The following ESPL1 variants were observed in gnomAD, a reference collection of about 807,000 sequenced individuals.
ESPL1 encodes extra spindle pole bodies like 1, separase.
In ESPL1, 50 loss-of-function variants were observed where a neutral mutation model predicts 217.2. The observed-to-expected ratio is 0.23, with a 90% CI of 0.18 to 0.29. ESPL1 has a LOEUF of 0.29. ESPL1 is among the 10% of genes least tolerant of loss of function. The pLI, the probability that ESPL1 is intolerant of heterozygous loss-of-function variation, is 1.00. For missense variants in ESPL1, 1,834 were observed against 2,603.0 expected (o/e 0.70, Z 6.43); for synonymous variants, 994 against 1,081.3 (o/e 0.92, Z 1.58).
chr12:53,269,427 G>A lies in ESPL1; in HGVS notation c.485G>A (p.Arg162Gln), dbSNP rs749666178. 1.2e-6 allele frequency: 2 copies of A among 1,613,892 alleles called. No individual in the cohort carries two copies. Among genetic ancestry groups the A allele is most frequent in the Non-Finnish European group, 1.7e-6 (2 of 1,179,986 alleles). Reference protein sequence around the residue: ...WKGAEALLERRAAFAARLKAL... With the variant: ...WKGAEALLERQAAFAARLKAL... ...GGGGCAGAAGCCCTGTTGGAACGGCGAGCTGCATTTGCAGCTCGGCTGAAG... is the reference window on the plus strand; with the variant it reads ...GGGGCAGAAGCCCTGTTGGAACGGCAAGCTGCATTTGCAGCTCGGCTGAAG... Residue 162 changes from arginine to glutamine, a missense_variant, in exon 3 of 31, where the codon CGA becomes CAA. Arg to Gln is a conservative substitution (Grantham distance 43). Around this residue, in one of 5 missense-constraint regions of ESPL1, gnomAD observed 746 missense variants for 1,077.0 expected, o/e 0.69. Coordinates refer to ENST00000257934, the MANE Select transcript of ESPL1 (RefSeq NM_012291.5). The surrounding 1 kb of genome is among the most constrained non-coding windows in gnomAD (Gnocchi z 6.7).
rs2120944348 is a variant in ESPL1, at chr12:53,282,507, C to T, written c.2791+72C>T. ...TGTCTGCTGTCAGCTCTTCTCAAAC[C>T]TCATCCCCTCTGCTGGCTAACTATG... On this transcript the variant is annotated intron_variant, in intron 14 of 30. Transcript: ENST00000257934. This position sits in a 1 kb window ranked among gnomAD's most constrained non-coding sequence, Gnocchi z 4.0. 3 of 1,392,320 alleles carry T rather than the reference C, an allele frequency of 2.2e-6. No individual in the cohort carries two copies. The highest frequency in any genetic ancestry group is 2.5e-5 in the South Asian group (2 of 80,866). 86.2% of individuals were successfully genotyped at this position (1,392,320 alleles called of 1,614,324 possible).
chr12:53,285,110 G>A (rs1943925329), intron 17 of ESPL1, among the ~76,000 whole-genome samples: 1 of 151,952 alleles, frequency 6.6e-6, no homozygotes, highest in African/African-American at 2.4e-5. Flanking sequence ...ATAGCCACAT[G>A]GCTAGTGGCT....
chr12:53,269,616 C>T lies in ESPL1; in HGVS notation c.674C>T (p.Ser225Phe). Residue 225 changes from serine (S) to phenylalanine (F), a missense_variant, in exon 3 of 31, where the codon TCC becomes TTC. Physicochemically the swap from Ser to Phe is radical, Grantham distance 155. Around this residue, in one of 5 missense-constraint regions of ESPL1, gnomAD observed 746 missense variants for 1,077.0 expected, o/e 0.69. Coordinates refer to ENST00000257934, the MANE Select transcript of ESPL1 (RefSeq NM_012291.5). The surrounding 1 kb of genome is among the most constrained non-coding windows in gnomAD (Gnocchi z 6.7). The stretch of plus-strand genomic sequence containing the variant: ...GCTGATTTCCTAGATGACCTGCTCT[C>T]CAGGCACGTGATCAGAGCCTTGGTG... ...ADADFLDDLL[S>F]RHVIRALVGE... is the part of the protein sequence containing the mutation. The T allele has an allele frequency of 6.2e-7, 1 of 1,614,228 alleles. No homozygotes were observed. Among genetic ancestry groups the T allele is most frequent in the East Asian group, 2.2e-5 (1 of 44,886 alleles).
chr12:53,272,731 C>T lies in ESPL1; in HGVS notation c.1380C>T (p.Thr460=). Residue 460 remains threonine (T), a synonymous_variant, in exon 6 of 31, where the codon ACC becomes ACT. Transcript: ENST00000257934. ...TTTTCTCCCCTGCAGCTTCTTACAC[C>T]AGTAATTTGGCCTACAGCTTCTATA... ...TDHMGMTASY[T]SNLAYSFYSH... 6.2e-7 allele frequency: 1 copy of T among 1,613,746 alleles called. No individual in the cohort carries two copies.
chr12:53,287,103 C>T (rs1943962260), intron 18 of ESPL1, among the ~76,000 whole-genome samples, 191 bp downstream of exon 18: 1 of 152,174 alleles, frequency 6.6e-6, no homozygotes, highest in Non-Finnish European at 1.5e-5. Flanking sequence ...GAAGGAGTCT[C>T]GCTCTGTCGC....
chr12:53,283,748 G>A (rs978847887), intron 16 of ESPL1, among the ~76,000 whole-genome samples: 8 of 152,182 alleles, frequency 5.3e-5, no homozygotes, highest in African/African-American at 1.2e-4. Flanking sequence ...TTCAGTATGC[G>A]GATGTGCCTT....
rs773816960 is a variant in ESPL1, at chr12:53,288,201, G to A, written c.4406G>A (p.Arg1469Gln). 94 of 1,610,836 alleles carry A rather than the reference G, an allele frequency of 5.8e-5. 2 individuals carry two copies. The South Asian group carries it at 9.3e-4, about 16-fold the overall frequency. The change falls in exon 19 of 31, where the codon CGG (arginine) becomes CAG (glutamine). Residue 1469 changes from arginine (R) to glutamine (Q), a missense_variant. By Grantham distance (43) the Arg-to-Gln change is conservative. Transcript: ENST00000257934. ...KKVASRHCEE[R>Q]RPQRASDQAR... is the part of the protein sequence containing the mutation. ...GTGGCATCAAGACATTGTGAGGAGCGGCGTCCCCAGAGGGCCAGTGACCAG... is the reference window on the plus strand; with the variant it reads ...GTGGCATCAAGACATTGTGAGGAGCAGCGTCCCCAGAGGGCCAGTGACCAG...
intron 20 of ESPL1, 98 bp from the exon 21 acceptor site, chr12:53,288,992 A>G: frequency 1.0e-6 from 1 of 981,838 alleles, no homozygotes; most frequent in Non-Finnish European, 1.6e-6. Context: ...GCTGTTTGCC[A>G]TGTGGGAGAT....
rs1474177085 is a variant in ESPL1, at chr12:53,270,778, C to T, written c.1349C>T (p.Thr450Met). The T allele has an allele frequency of 9.9e-6, 16 of 1,614,070 alleles. No homozygotes were observed. The highest frequency in any genetic ancestry group is 2.2e-5 in the East Asian group (1 of 44,902). Residue 450 changes from threonine (T) to methionine (M), a missense_variant, in exon 5 of 31, where the codon ACG becomes ATG. Around this residue, in one of 5 missense-constraint regions of ESPL1, gnomAD observed 746 missense variants for 1,077.0 expected, o/e 0.69. Transcript: ENST00000257934. Reference protein sequence around the residue: ...ALEGLSGQELTDHMGMTASYT... With the variant: ...ALEGLSGQELMDHMGMTASYT... ...GAGGGCCTGTCGGGCCAAGAGCTGA[C>T]GGACCACATGGGGATGACCGGTTAG...
Position 53,289,140 on chromosome 12 carries a change from G to A in ESPL1, c.4759G>A (p.Gly1587Ser). Residue 1587 changes from glycine to serine, a missense_variant, in exon 21 of 31, where the codon GGC becomes AGC. Gly to Ser is a moderately conservative substitution (Grantham distance 56). Around this residue, in one of 5 missense-constraint regions of ESPL1, gnomAD observed 681 missense variants for 808.0 expected, o/e 0.84. Transcript: ENST00000257934. ...TGACTCCCTGAGTGTTGCTTTCCGGGGCATTAGTCACTGTCCTCCTAGTGG... is the reference window on the plus strand; with the variant it reads ...TGACTCCCTGAGTGTTGCTTTCCGGAGCATTAGTCACTGTCCTCCTAGTGG... ...ICDSLSVAFR[G>S]ISHCPPSGLY... 4 of 1,614,166 alleles carry A rather than the reference G, an allele frequency of 2.5e-6. No individual in the cohort carries two copies. Among genetic ancestry groups the A allele is most frequent in the Non-Finnish European group, 3.4e-6 (4 of 1,180,038 alleles).
chr12:53,283,214 C>G lies in ESPL1; in HGVS notation c.2877C>G (p.Leu959=). The G allele has an allele frequency of 6.2e-7, 1 of 1,614,226 alleles. No individual in the cohort carries two copies. The highest frequency in any genetic ancestry group is 8.5e-7 in the Non-Finnish European group (1 of 1,180,046). Residue 959 remains leucine, a synonymous_variant, in exon 15 of 31, where the codon CTC becomes CTG. Coordinates refer to ENST00000257934, the MANE Select transcript of ESPL1 (RefSeq NM_012291.5). Reference sequence around the variant, plus strand: ...TCCTGCTGATGGGCAGTGACATTCTCTCAACTCAGAAAGCAGCTGTGGAGA... The same window carrying G: ...TCCTGCTGATGGGCAGTGACATTCTGTCAACTCAGAAAGCAGCTGTGGAGA... ...IILLLMGSDI[L]STQKAAVETS...
chr12:53,269,099 A>T lies in ESPL1; in HGVS notation c.157A>T (p.Ile53Phe). 4 of 1,614,136 alleles carry T rather than the reference A, an allele frequency of 2.5e-6. No individual in the cohort carries two copies. Among genetic ancestry groups the T allele is most frequent in the Non-Finnish European group, 3.4e-6 (4 of 1,180,042 alleles). ...DAERRQACDAILRACNQQLTA... is the reference protein window; with the variant it reads ...DAERRQACDAFLRACNQQLTA... ...TGAGAGGAGACAAGCTTGTGATGCC[A>T]TCCTGAGGGCTTGCAACCAGCAGCT... Residue 53 changes from isoleucine to phenylalanine, a missense_variant, in exon 3 of 31, where the codon ATC becomes TTC. By Grantham distance (21) the Ile-to-Phe change is conservative (BLOSUM62 0). Around this residue, in one of 5 missense-constraint regions of ESPL1, gnomAD observed 746 missense variants for 1,077.0 expected, o/e 0.69. Coordinates refer to ENST00000257934, the MANE Select transcript of ESPL1 (RefSeq NM_012291.5). The surrounding 1 kb of genome is among the most constrained non-coding windows in gnomAD (Gnocchi z 6.7).
At chr12:53,272,324 G>A (rs945933827) in intron 5 of ESPL1, among the ~76,000 whole-genome samples, 10 of 152,124 alleles carry the variant, frequency 6.6e-5, no homozygotes, top group Non-Finnish European at 1.2e-4. Flanking sequence ...GGGAGTCTAA[G>A]GTGCATGACG....
At chr12:53,283,092 G>T in intron 14 of ESPL1, 37 bp from the exon 15 acceptor site, 11 of 1,613,184 alleles carry the variant, frequency 6.8e-6, no homozygotes, top group Non-Finnish European at 9.3e-6. Flanking sequence ...TGAAGTTCTG[G>T]CTGCATCTTC....
intron 25 of ESPL1, 52 bp downstream of exon 25, chr12:53,291,048 A>G (rs941182333): frequency 6.7e-7 from 1 of 1,492,702 alleles, no homozygotes; most frequent in Non-Finnish European, 9.0e-7. Context: ...TGCACCTGTA[A>G]TCCCAGCACT....
Position 53,293,387 on chromosome 12 carries a change from T to G in ESPL1, c.6276T>G (p.Tyr2092Ter). The G allele has an allele frequency of 6.2e-7, 1 of 1,614,130 alleles. No homozygotes were observed. Among genetic ancestry groups the G allele is most frequent in the Non-Finnish European group, 8.5e-7 (1 of 1,180,006 alleles). The change falls in exon 31 of 31, where the codon TAT becomes TAG. Residue 2092 changes from tyrosine to a stop codon, truncating the protein, a stop_gained. Transcript: ENST00000257934. LOFTEE classifies it high-confidence loss of function. The surrounding 1 kb of genome is among the most constrained non-coding windows in gnomAD (Gnocchi z 4.2). ...GAGPGAPLLY[Y>*]VNQARQAPRL... ...GCCCAGGGGCCCCCCTTCTCTACTA[T>G]GTAAACCAGGCCCGCCAAGCTCCCC...
intron 16 of ESPL1, 28 bp from the exon 17 acceptor site, chr12:53,284,030 A>G (rs1943905928): frequency 6.7e-7 from 1 of 1,488,578 alleles, no homozygotes; most frequent in African/African-American, 1.4e-5. Flanking sequence ...GATTCCTCTG[A>G]TTGGTTCTCC....
Position 53,269,165 on chromosome 12 carries a change from C to T in ESPL1, c.223C>T (p.Leu75=). ...LACPRHLGSL[L]ELAELACDGY... is the part of the protein sequence containing the mutation. ...TTGCCCTAGGCATCTGGGGAGCCTGCTGGAGCTGGCAGAGCTGGCCTGTGA... is the reference window on the plus strand; with the variant it reads ...TTGCCCTAGGCATCTGGGGAGCCTGTTGGAGCTGGCAGAGCTGGCCTGTGA... Residue 75 remains leucine (L), a synonymous_variant, in exon 3 of 31, where the codon CTG becomes TTG. Coordinates refer to ENST00000257934, the MANE Select transcript of ESPL1 (RefSeq NM_012291.5). This position sits in a 1 kb window ranked among gnomAD's most constrained non-coding sequence, Gnocchi z 6.7. 2 of 1,614,222 alleles carry T rather than the reference C, an allele frequency of 1.2e-6. No individual in the cohort carries two copies. The highest frequency in any genetic ancestry group is 1.7e-6 in the Non-Finnish European group (2 of 1,180,030).
intron 17 of ESPL1, among the ~76,000 whole-genome samples, chr12:53,285,010 C>CAAAA (rs546915854): frequency 5.0e-5 from 5 of 100,414 alleles, no homozygotes; most frequent in South Asian, 7.9e-4. Context: ...GACTCTGACT[C>CAAAA]AAAAAAAAAA....
Sources: allele counts gnomAD v4.1 joint callset (sites outside exome capture counted in the v4.1 genomes callset), GRCh38; gene constraint gnomAD v4.1.1; regional missense constraint gnomAD v4.1.1; non-coding constraint Gnocchi (gnomAD v3.1); transcripts MANE v1.5; gene names NCBI Gene and HGNC (gene_info 2026-07-23, HGNC 2026-07-21).